KHDRBS3: variants seen among roughly 807,000 people sequenced by gnomAD.
KHDRBS3 encodes KH domain-containing, RNA-binding, signal transduction-associated protein 3.
Under a neutral mutation model 45.6 loss-of-function variants are expected in KHDRBS3, and 23 were observed. The observed-to-expected ratio is 0.50, with a 90% confidence interval of 0.36 to 0.72. The LOEUF (loss-of-function observed/expected upper bound fraction) is 0.72, where lower values mean the gene tolerates loss of function less well. KHDRBS3 is among the 30% of genes least tolerant of loss of function. The probability of loss-of-function intolerance (pLI) is 0.00; values close to 1 mark genes in which losing one functional copy is unlikely to be tolerated. For missense variants in KHDRBS3, 352 were observed against 424.8 expected (o/e 0.83, Z 1.51); for synonymous variants, 162 against 156.5 (o/e 1.04, Z -0.26).
intron 1 of KHDRBS3, chr8:135,458,658 G>A (rs1417859199): frequency 2.0e-5 from 7 of 354,696 alleles, no homozygotes. Context: ...GGGGAGAAGA[G>A]GCCGGCAAAA....
intron 7 of KHDRBS3, among the ~76,000 whole-genome samples, chr8:135,611,270 C>T (rs1829694802): frequency 6.6e-6 from 1 of 151,856 alleles, no homozygotes; most frequent in African/African-American, 2.4e-5. Context: ...AAACATCTGT[C>T]CCTTTTAAAG....
At chr8:135,505,333 G>T (rs1231671434) in intron 1 of KHDRBS3, among the ~76,000 whole-genome samples, 2 of 152,178 alleles carry the variant, frequency 1.3e-5, no homozygotes, top group Non-Finnish European at 2.9e-5. Flanking sequence ...GGCTTGGTCT[G>T]TCCTCCAAAA....
chr8:135,618,851 CCTGGCA>C (rs1830023935), intron 7 of KHDRBS3, among the ~76,000 whole-genome samples: 2 of 152,120 alleles, frequency 1.3e-5, no homozygotes, highest in Admixed American at 6.6e-5. Context: ...TAGTGTGGAG[CCTGGCA>C]CGTGGCACTT....
chr8:135,476,405 G>C (rs1346786881), intron 1 of KHDRBS3, among the ~76,000 whole-genome samples: 1 of 152,126 alleles, frequency 6.6e-6, no homozygotes, highest in African/African-American at 2.4e-5. Flanking sequence ...GCCTCCCAAA[G>C]TGCTGGGATT....
rs1328480794 is a variant in KHDRBS3 at position 135,458,833 on chromosome 8, G to A, written c.88+879G>A. 3 of 455,390 alleles carry A rather than the reference G, an allele frequency of 6.6e-6. No homozygotes were observed. The East Asian group carries it at 2.1e-4, about 32-fold the overall frequency. 28.2% of individuals were successfully genotyped at this position (455,390 alleles called of 1,614,324 possible). On this transcript the variant is annotated intron_variant, in intron 1 of 8. Coordinates refer to ENST00000355849, the MANE Select transcript of KHDRBS3 (RefSeq NM_006558.3). The stretch of plus-strand genomic sequence containing the variant: ...GCGGGTCAGGGATACAGAGATTTCT[G>A]GAGGCACGCCTACCCGGGACAGTGT...
intron 5 of KHDRBS3, among the ~76,000 whole-genome samples, chr8:135,572,685 G>T (rs1169757464): frequency 6.6e-6 from 1 of 152,208 alleles, no homozygotes; most frequent in Non-Finnish European, 1.5e-5. Context: ...ATGTGGATGC[G>T]CATGAACGCA....
Position 135,519,852 on chromosome 8 carries a change from G to A in KHDRBS3, c.89-1385G>A, listed in dbSNP as rs542751567. 2.3e-3 allele frequency among the ~76,000 whole-genome samples: 351 copies of A among 152,280 alleles called. 2 individuals carry two copies. Among genetic ancestry groups the A allele is most frequent in the African/African-American group, 7.6e-3 (315 of 41,554 alleles). ...TAGGATGGAGTGAAAGCTCCTCCGT[G>A]GTATTATGAAGCCCATTGGCTGTTT... is the stretch of plus-strand genomic sequence containing the variant. On this transcript the variant is annotated intron_variant, in intron 1 of 8. Transcript: ENST00000355849.
At chr8:135,572,807 TC>T (rs1271284573) in intron 5 of KHDRBS3, among the ~76,000 whole-genome samples, 1 of 152,268 alleles carries the variant, frequency 6.6e-6, no homozygotes, top group African/African-American at 2.4e-5. Context: ...TCTGACAGTT[TC>T]TTCCCTGTGT....
At chr8:135,626,200 G>T (rs1188122288) in intron 7 of KHDRBS3, among the ~76,000 whole-genome samples, 1 of 152,132 alleles carries the variant, frequency 6.6e-6, no homozygotes, top group African/African-American at 2.4e-5. Flanking sequence ...TCCTATGAAA[G>T]ATTTTTTTTA....
chr8:135,622,251 A>G (rs4352884), intron 7 of KHDRBS3, among the ~76,000 whole-genome samples: 149,763 of 152,326 alleles, frequency 0.98, 73,679 homozygotes, highest in East Asian at 1. Context: ...GAATAAATAT[A>G]GAGAGGTAGA....
Position 135,592,012 on chromosome 8 carries a change from C to G in KHDRBS3, c.807+9939C>G, listed in dbSNP as rs555152057. ...TGCATTTTAAATGTGAATTGAAAAG[C>G]CTAGGGACACCTTTTTATTTTAGAT... On this transcript the variant is annotated intron_variant, in intron 6 of 8. Transcript: ENST00000355849. Among the ~76,000 whole-genome samples, 209 of 152,154 alleles carry G rather than the reference C, an allele frequency of 1.4e-3. 1 individual carries two copies. The highest frequency in any genetic ancestry group is 4.6e-3 in the African/African-American group (191 of 41,520).
rs1826105825 is a variant in KHDRBS3, at chr8:135,542,781, T to G, written c.324+11T>G. ...AGAGACAAGGCCAAGGTAATATTAA[T>G]TATAGAAAACGGCTAAGTTGTGTAT... is the stretch of plus-strand genomic sequence containing the variant. On this transcript the variant is annotated intron_variant, in intron 3 of 8. Transcript: ENST00000355849. 6.4e-7 allele frequency: 1 copy of G among 1,552,922 alleles called. No individual in the cohort carries two copies. The highest frequency in any genetic ancestry group is 8.9e-7 in the Non-Finnish European group (1 of 1,126,054).
intron 5 of KHDRBS3, among the ~76,000 whole-genome samples, chr8:135,568,266 G>C (rs188005107): frequency 2.0e-4 from 30 of 152,216 alleles, no homozygotes; most frequent in Admixed American, 1.9e-3. Flanking sequence ...CTATAAGCAT[G>C]ATTGGCTGCT....
intron 6 of KHDRBS3, among the ~76,000 whole-genome samples, chr8:135,593,685 C>T (rs771152623): frequency 6.6e-6 from 1 of 152,054 alleles, no homozygotes; most frequent in African/African-American, 2.4e-5. Flanking sequence ...ACTTTGTTAC[C>T]CAGAATGGTC....
chr8:135,633,196 G>A (rs1830676882), intron 7 of KHDRBS3, among the ~76,000 whole-genome samples: 1 of 152,130 alleles, frequency 6.6e-6, no homozygotes, highest in Non-Finnish European at 1.5e-5. Context: ...TTGAATCCAT[G>A]CATGAATGAA....
chr8:135,569,809 C>T (rs1046344454), intron 5 of KHDRBS3, among the ~76,000 whole-genome samples: 4 of 152,146 alleles, frequency 2.6e-5, no homozygotes, highest in Non-Finnish European at 5.9e-5. Context: ...GGAGGCCTTG[C>T]TCAGTGCGGA....
intron 2 of KHDRBS3, among the ~76,000 whole-genome samples, chr8:135,527,014 C>G (rs1303602483): frequency 6.6e-6 from 1 of 151,658 alleles, no homozygotes; most frequent in Non-Finnish European, 1.5e-5. Context: ...AACCCCAAAT[C>G]AACATTGGAA....
At chr8:135,464,981 A>G (rs1303495008) in intron 1 of KHDRBS3, among the ~76,000 whole-genome samples, 3 of 152,184 alleles carry the variant, frequency 2.0e-5, no homozygotes, top group Admixed American at 2.0e-4. Flanking sequence ...CAGCTCTTCA[A>G]ATTACATGCC....
At chr8:135,566,540 A>G (rs1827425350) in intron 5 of KHDRBS3, among the ~76,000 whole-genome samples, 2 of 152,214 alleles carry the variant, frequency 1.3e-5, no homozygotes, top group South Asian at 4.1e-4. Context: ...AGAGGAATTA[A>G]CAACGAAACC....
Sources: gnomAD v4.1 joint callset for allele counts (sites outside exome capture counted in the v4.1 genomes callset) on GRCh38, gnomAD v4.1.1 for gene constraint, MANE v1.5 for transcripts, NCBI Gene and HGNC (gene_info 2026-07-23, HGNC 2026-07-21) for gene names.